INPP4B: variants seen among roughly 807,000 people sequenced by gnomAD.
INPP4B encodes the protein inositol polyphosphate-4-phosphatase type II B.
In INPP4B, 55 loss-of-function variants were observed where a neutral mutation model predicts 122.5. The ratio of observed to expected loss-of-function variants is 0.45; its 90% CI spans 0.36 to 0.56. The LOEUF (loss-of-function observed/expected upper bound fraction) is 0.56. INPP4B is among the 20% of genes least tolerant of loss of function. The probability of loss-of-function intolerance (pLI) is 0.00; values close to 1 mark genes in which losing one functional copy is unlikely to be tolerated. For missense variants in INPP4B, 1,000 were observed against 1,097.7 expected (o/e 0.91, Z 1.26); for synonymous variants, 403 against 388.7 (o/e 1.04, Z -0.43).
intron 15 of INPP4B, among the ~76,000 whole-genome samples, chr4:142,186,520 A>G (rs1833277332): frequency 6.6e-6 from 1 of 152,242 alleles, no homozygotes; most frequent in Admixed American, 6.5e-5. Context: ...CATTCTCAAC[A>G]TTTGTGTTTG....
intron 2 of INPP4B, among the ~76,000 whole-genome samples, chr4:142,679,283 A>G (rs903361720): frequency 1.3e-4 from 19 of 151,906 alleles, no homozygotes; most frequent in African/African-American, 3.1e-4. Flanking sequence ...CAAAGGCTTG[A>G]CAAGACACAG....
chr4:142,432,634 C>T (rs1809573560), intron 3 of INPP4B, among the ~76,000 whole-genome samples: 1 of 152,056 alleles, frequency 6.6e-6, no homozygotes, highest in Non-Finnish European at 1.5e-5. Context: ...CTGATAAGAA[C>T]ACACACATTC....
At chr4:142,662,351 C>T (rs1211488260) in intron 2 of INPP4B, among the ~76,000 whole-genome samples, 1 of 152,118 alleles carries the variant, frequency 6.6e-6, no homozygotes, top group African/African-American at 2.4e-5. Context: ...TTGTTATTGT[C>T]TCATTATTAG....
At chr4:142,418,312 T>C (rs1806181127) in intron 5 of INPP4B, among the ~76,000 whole-genome samples, 1 of 152,156 alleles carries the variant, frequency 6.6e-6, no homozygotes, top group Non-Finnish European at 1.5e-5. Context: ...TATAAATATA[T>C]TGATTTATTT....
At chr4:142,113,433 T>C (rs752956608) in intron 21 of INPP4B, among the ~76,000 whole-genome samples, 21 of 151,988 alleles carry the variant, frequency 1.4e-4, no homozygotes, top group Non-Finnish European at 2.4e-4. Context: ...AAGAACTATA[T>C]AGAGTGGTGG....
intron 15 of INPP4B, among the ~76,000 whole-genome samples, chr4:142,184,331 T>G (rs1005162888): frequency 6.6e-6 from 1 of 152,166 alleles, no homozygotes; most frequent in African/African-American, 2.4e-5. Flanking sequence ...TAAAAGTATA[T>G]TTTCCCTAGC....
intron 21 of INPP4B, among the ~76,000 whole-genome samples, chr4:142,118,021 C>T (rs1794600111): frequency 6.6e-6 from 1 of 152,150 alleles, no homozygotes; most frequent in Non-Finnish European, 1.5e-5. Flanking sequence ...AAAGCCAAAT[C>T]ATGAGTGAAC....
chr4:142,236,152 G>T (rs1856622371), intron 12 of INPP4B, among the ~76,000 whole-genome samples: 1 of 152,154 alleles, frequency 6.6e-6, no homozygotes, highest in Admixed American at 6.5e-5. Flanking sequence ...CATAACTCCT[G>T]TGAGGACTAG....
At chr4:142,165,610 T>C (rs191163636) in intron 16 of INPP4B, among the ~76,000 whole-genome samples, 1 of 151,862 alleles carries the variant, frequency 6.6e-6, no homozygotes, top group East Asian at 1.9e-4. Flanking sequence ...TGTTCAATAA[T>C]TCAAATCCAG....
At chr4:142,331,980 C>T (rs1774704027) in intron 7 of INPP4B, among the ~76,000 whole-genome samples, 1 of 152,088 alleles carries the variant, frequency 6.6e-6, no homozygotes, top group Non-Finnish European at 1.5e-5. Context: ...AGGCTCATAA[C>T]CAGGGTTTCT....
chr4:142,054,085 A>G (rs142004913), intron 25 of INPP4B, among the ~76,000 whole-genome samples: 2,428 of 151,596 alleles, frequency 0.016, 36 homozygotes, highest in Non-Finnish European at 0.023. Flanking sequence ...TGTTTTATAC[A>G]TTCACTCGGA....
intron 7 of INPP4B, among the ~76,000 whole-genome samples, chr4:142,325,304 T>C (rs896061363): frequency 6.6e-6 from 1 of 151,884 alleles, no homozygotes; most frequent in Admixed American, 6.5e-5. Context: ...AGACTATGGT[T>C]ATATGTAACT....
rs1560861351 is a variant in INPP4B, at chr4:142,028,397, CCT to C, written c.*383_*384del. On this transcript the variant is annotated 3_prime_UTR_variant, in exon 26 of 26. Coordinates refer to ENST00000262992, the MANE Select transcript of INPP4B (RefSeq NM_001101669.3). ...ACAAAAAAAATATGTTCCTTTTCCCCCTCTCCTCTCTTCCATTTGGTTGGAGA... is the reference window on the plus strand; with the variant it reads ...ACAAAAAAAATATGTTCCTTTTCCCCCTCCTCTCTTCCATTTGGTTGGAGA... 1 of 239,780 alleles carries C rather than the reference CCT, an allele frequency of 4.2e-6. No homozygotes were observed. Among genetic ancestry groups the C allele is most frequent in the African/African-American group, 2.2e-5 (1 of 45,432 alleles). The allele number at this position is 239,780 out of a possible 1,614,324, so 14.9% of individuals were successfully genotyped here.
intron 16 of INPP4B, among the ~76,000 whole-genome samples, chr4:142,164,479 T>A (rs1005935047): frequency 2.0e-5 from 3 of 151,814 alleles, no homozygotes; most frequent in African/African-American, 7.2e-5. Flanking sequence ...TTACTTGATA[T>A]AGGAATAGTG....
chr4:142,440,818 G>T (rs1316144650), intron 3 of INPP4B, among the ~76,000 whole-genome samples: 1 of 152,112 alleles, frequency 6.6e-6, no homozygotes, highest in East Asian at 1.9e-4. Flanking sequence ...TACTATGGTG[G>T]AACAAATTAA....
At chr4:142,103,340 A>T (rs2152659058) in intron 23 of INPP4B, among the ~76,000 whole-genome samples, 1 of 152,132 alleles carries the variant, frequency 6.6e-6, no homozygotes, top group South Asian at 2.1e-4. Flanking sequence ...TTCTATGTGG[A>T]CTACATAGAA....
At chr4:142,787,511 C>T (rs377386038) in intron 1 of INPP4B, among the ~76,000 whole-genome samples, 1 of 152,058 alleles carries the variant, frequency 6.6e-6, no homozygotes, top group African/African-American at 2.4e-5. Context: ...GTAAGTTACC[C>T]AGTCTCTGGT....
chr4:142,330,988 A>T (rs1238672766), intron 7 of INPP4B, among the ~76,000 whole-genome samples: 1 of 152,096 alleles, frequency 6.6e-6, no homozygotes, highest in Non-Finnish European at 1.5e-5. Context: ...CATTTTTTTC[A>T]CTTCTTAAAG....
At chr4:142,651,125 G>A (rs1448005836) in intron 2 of INPP4B, among the ~76,000 whole-genome samples, 2 of 152,098 alleles carry the variant, frequency 1.3e-5, no homozygotes, top group African/African-American at 4.8e-5. Context: ...TGACTACTGA[G>A]TAAATAACAA....
Sources: allele counts gnomAD v4.1 joint callset (sites outside exome capture counted in the v4.1 genomes callset), GRCh38; gene constraint gnomAD v4.1.1; transcripts MANE v1.5; gene names NCBI Gene and HGNC (gene_info 2026-07-23, HGNC 2026-07-21).